ZBTB16: variants seen among roughly 807,000 people sequenced by gnomAD.
ZBTB16 encodes the protein zinc finger and BTB domain containing 16.
Under a neutral mutation model 56.8 loss-of-function variants are expected in ZBTB16, and 8 were observed. The ratio of observed to expected loss-of-function variants is 0.14; its 90% CI spans 0.08 to 0.25. The LOEUF (loss-of-function observed/expected upper bound fraction) is 0.25, where lower values mean the gene tolerates loss of function less well. Ranked by LOEUF, ZBTB16 falls within the 10% of genes least tolerant of loss-of-function variation. The pLI is 1.00. For synonymous variants in ZBTB16, 363 were observed against 368.5 expected, an observed-to-expected ratio of 0.98 and a Z score of 0.17; for missense variants, 625 against 903.0, an observed-to-expected ratio of 0.69 and a Z score of 3.95.
chr11:114,175,499 C>T (rs1474776865), intron 3 of ZBTB16, among the ~76,000 whole-genome samples: 8 of 151,824 alleles, frequency 5.3e-5, no homozygotes, highest in Admixed American at 5.3e-4. Context: ...TTCTGTTGCC[C>T]AGGCTGGAGT....
At chr11:114,152,814 C>G (rs906769002) in intron 2 of ZBTB16, among the ~76,000 whole-genome samples, 1 of 152,214 alleles carries the variant, frequency 6.6e-6, no homozygotes, top group African/African-American at 2.4e-5. Flanking sequence ...TCCTTCCTTT[C>G]CTGTCACAGT....
At chr11:114,122,916 C>G (rs752671763) in intron 2 of ZBTB16, among the ~76,000 whole-genome samples, 1 of 152,182 alleles carries the variant, frequency 6.6e-6, no homozygotes, top group Non-Finnish European at 1.5e-5. Flanking sequence ...ATACTACAGA[C>G]TGGGTGGCTC....
chr11:114,170,632 A>C (rs562302743), intron 3 of ZBTB16, among the ~76,000 whole-genome samples: 113 of 152,312 alleles, frequency 7.4e-4, no homozygotes, highest in Non-Finnish European at 1.4e-3. Context: ...GGGGAAAAAA[A>C]AAAAAGCAAA....
At chr11:114,144,807 A>C (rs1942055782) in intron 2 of ZBTB16, among the ~76,000 whole-genome samples, 1 of 152,230 alleles carries the variant, frequency 6.6e-6, no homozygotes, top group African/African-American at 2.4e-5. Flanking sequence ...TGACCAAATC[A>C]AAGCTGGCTT....
At chr11:114,238,979 A>G (rs548008550) in intron 4 of ZBTB16, among the ~76,000 whole-genome samples, 1 of 152,244 alleles carries the variant, frequency 6.6e-6, no homozygotes, top group African/African-American at 2.4e-5. Flanking sequence ...TCTGGGACCC[A>G]GTTTCTCTGC....
At chr11:114,135,102 A>G (rs1259986949) in intron 2 of ZBTB16, among the ~76,000 whole-genome samples, 1 of 152,236 alleles carries the variant, frequency 6.6e-6, no homozygotes, top group Non-Finnish European at 1.5e-5. Flanking sequence ...ACACAGAGAC[A>G]GATACAGCTA....
chr11:114,155,191 C>A (rs1290609232), intron 2 of ZBTB16, among the ~76,000 whole-genome samples: 1 of 152,270 alleles, frequency 6.6e-6, no homozygotes, highest in Non-Finnish European at 1.5e-5. Context: ...GCCCACAGAT[C>A]CGGCTTCTGG....
chr11:114,183,068 G>T (rs973815405), intron 3 of ZBTB16, among the ~76,000 whole-genome samples: 1 of 152,038 alleles, frequency 6.6e-6, no homozygotes, highest in Non-Finnish European at 1.5e-5. Context: ...CGTGTCCATG[G>T]AACTGCCTGT....
At chr11:114,230,126 G>A (rs1465691829) in intron 4 of ZBTB16, among the ~76,000 whole-genome samples, 1 of 152,134 alleles carries the variant, frequency 6.6e-6, no homozygotes, top group African/African-American at 2.4e-5. Context: ...CTGGTTCTGG[G>A]TCTGACGTAG....
At chr11:114,219,441 C>A (rs571436646) in intron 4 of ZBTB16, among the ~76,000 whole-genome samples, 2 of 152,036 alleles carry the variant, frequency 1.3e-5, no homozygotes, top group Non-Finnish European at 2.9e-5. Context: ...CTTTCCCATT[C>A]CAGAGATGCC....
intron 3 of ZBTB16, among the ~76,000 whole-genome samples, chr11:114,161,590 A>C (rs900218285): frequency 6.6e-6 from 1 of 152,174 alleles, no homozygotes; most frequent in Non-Finnish European, 1.5e-5. Flanking sequence ...GGACTCGGTG[A>C]GGGGAAGCCG....
At chr11:114,146,248 CT>C (rs1447959105) in intron 2 of ZBTB16, among the ~76,000 whole-genome samples, 4 of 151,796 alleles carry the variant, frequency 2.6e-5, no homozygotes, top group Non-Finnish European at 5.9e-5. Flanking sequence ...GTTCTTGCTT[CT>C]ATTCAATTAG....
At chr11:114,072,647 T>A (rs1939391378) in intron 2 of ZBTB16, among the ~76,000 whole-genome samples, 1 of 152,192 alleles carries the variant, frequency 6.6e-6, no homozygotes, top group South Asian at 2.1e-4. Flanking sequence ...CTAAGTGCAC[T>A]CACAGCCAGC....
intron 2 of ZBTB16, among the ~76,000 whole-genome samples, chr11:114,066,832 G>A (rs1034684164): frequency 6.8e-5 from 10 of 146,946 alleles, no homozygotes; most frequent in Admixed American, 4.9e-4. Flanking sequence ...GTGCAATGGC[G>A]TGATCTCAGC....
At position 114,193,004 on chromosome 11, in the gene ZBTB16, A is replaced by T. The variant is rs184867485; in HGVS notation, c.1453+5966A>T. Among the ~76,000 whole-genome samples the T allele has an allele frequency of 3.0e-3, 464 of 152,140 alleles. 3 individuals carry two copies. Among genetic ancestry groups the T allele is most frequent in the African/African-American group, 0.011 (436 of 41,500 alleles). On this transcript the variant is annotated intron_variant, in intron 4 of 6. Coordinates refer to ENST00000335953, the MANE Select transcript of ZBTB16 (RefSeq NM_006006.6). ...TAGGCGGACCCCAGACATATGGAGC[A>T]CCCCCTGTGTGCCTGGCACCTGCTG...
intron 2 of ZBTB16, among the ~76,000 whole-genome samples, chr11:114,095,381 CT>C (rs1940357721): frequency 6.6e-6 from 1 of 151,334 alleles, no homozygotes; most frequent in Admixed American, 6.6e-5. Flanking sequence ...CTGCCTCAGC[CT>C]CCTGAGTAGC....
chr11:114,141,543 A>C (rs1434690972), intron 2 of ZBTB16, among the ~76,000 whole-genome samples: 1 of 152,318 alleles, frequency 6.6e-6, no homozygotes, highest in South Asian at 2.1e-4. Flanking sequence ...GTGTTGTGCT[A>C]AGTTGTTTTA....
At chr11:114,087,420 GT>G (rs35092495) in intron 2 of ZBTB16, among the ~76,000 whole-genome samples, 54,202 of 152,036 alleles carry the variant, frequency 0.36, 10,671 homozygotes, top group East Asian at 0.47. Flanking sequence ...AGAATGTGAT[GT>G]GTTTGAGCTA....
intron 4 of ZBTB16, among the ~76,000 whole-genome samples, chr11:114,213,077 G>C (rs1944027960): frequency 6.6e-6 from 1 of 151,882 alleles, no homozygotes; most frequent in Admixed American, 6.6e-5. Context: ...GTGCCCACAG[G>C]GGGCCATCCA....
Sources: allele counts gnomAD v4.1 joint callset (sites outside exome capture counted in the v4.1 genomes callset), GRCh38; gene constraint gnomAD v4.1.1; transcripts MANE v1.5; gene names NCBI Gene and HGNC (gene_info 2026-07-23, HGNC 2026-07-21).